ADAMTS12: variants seen among roughly 807,000 people sequenced by gnomAD.
ADAMTS12 encodes ADAM metallopeptidase with thrombospondin type 1 motif 12, also known as A disintegrin and metalloproteinase with thrombospondin motifs 12.
ADAMTS12 carries 118 observed loss-of-function variants against 167.8 expected under a neutral mutation model. The ratio of observed to expected loss-of-function variants is 0.70; its 90% CI spans 0.61 to 0.82. The LOEUF (loss-of-function observed/expected upper bound fraction) is 0.82, where lower values mean the gene tolerates loss of function less well. Ranked by LOEUF, ADAMTS12 falls within the 40% of genes least tolerant of loss-of-function variation. ADAMTS12 has a pLI of 0.00. For synonymous variants in ADAMTS12, 704 were observed against 716.9 expected, an observed-to-expected ratio of 0.98 and a Z score of 0.29; for missense variants, 1,916 against 1,998.8, an observed-to-expected ratio of 0.96 and a Z score of 0.79.
chr5:33,859,078 G>C (rs1749510977), intron 2 of ADAMTS12, among the ~76,000 whole-genome samples: 1 of 151,958 alleles, frequency 6.6e-6, no homozygotes, highest in South Asian at 2.1e-4. Context: ...CGCAAAACTG[G>C]GTGGCGGTTT....
At position 33,523,922 on chromosome 5, in the gene ADAMTS12, C is replaced by T. The variant is rs2111695100; in HGVS notation, c.*3266G>A. The T allele has an allele frequency of 6.6e-6, 1 of 152,320 alleles. No homozygotes were observed. Among genetic ancestry groups the T allele is most frequent in the South Asian group, 2.1e-4 (1 of 4,830 alleles). The allele number at this position is 152,320 out of a possible 1,614,324, so 9.4% of individuals were successfully genotyped here. On this transcript the variant is annotated 3_prime_UTR_variant, in exon 24 of 24. Coordinates refer to ENST00000504830, the MANE Select transcript of ADAMTS12 (RefSeq NM_030955.4). ...CACCAGAAACATCGTCCCAAAGATTCATCTTGAAGTCAGAAAGGAGAAGAG... is the reference window on the plus strand; with the variant it reads ...CACCAGAAACATCGTCCCAAAGATTTATCTTGAAGTCAGAAAGGAGAAGAG...
chr5:33,854,585 A>G (rs1363365251), intron 2 of ADAMTS12, among the ~76,000 whole-genome samples: 2 of 152,268 alleles, frequency 1.3e-5, no homozygotes, highest in East Asian at 3.8e-4. Flanking sequence ...AGCAGAAAGA[A>G]GAAAACAATG....
intron 3 of ADAMTS12, among the ~76,000 whole-genome samples, chr5:33,716,862 C>G (rs549525064): frequency 2.0e-5 from 3 of 152,266 alleles, no homozygotes; most frequent in African/African-American, 7.2e-5. Flanking sequence ...TTCTTCTCCA[C>G]TTTCACTTTT....
intron 6 of ADAMTS12, among the ~76,000 whole-genome samples, chr5:33,660,290 G>A (rs907264619): frequency 2.0e-5 from 3 of 152,112 alleles, no homozygotes; most frequent in African/African-American, 7.2e-5. Context: ...CAAACTACCT[G>A]GACTTAAGTC....
chr5:33,578,065 A>G (rs938569253), intron 18 of ADAMTS12, among the ~76,000 whole-genome samples: 3 of 152,236 alleles, frequency 2.0e-5, no homozygotes, highest in African/African-American at 7.2e-5. Context: ...CCGTACTTTT[A>G]CCAAATGGTT....
intron 2 of ADAMTS12, among the ~76,000 whole-genome samples, chr5:33,861,862 G>A (rs1296104158): frequency 6.6e-6 from 1 of 152,038 alleles, no homozygotes. Flanking sequence ...TTAGAACTCA[G>A]GATTATGAAA....
chr5:33,602,702 G>A (rs867849129), intron 16 of ADAMTS12, among the ~76,000 whole-genome samples: 4 of 152,160 alleles, frequency 2.6e-5, no homozygotes, highest in African/African-American at 4.8e-5. Context: ...TATGAATCTC[G>A]TGCTTTACCA....
At chr5:33,791,814 AT>A (rs1746582098) in intron 2 of ADAMTS12, among the ~76,000 whole-genome samples, 1 of 143,934 alleles carries the variant, frequency 6.9e-6, no homozygotes, top group South Asian at 2.2e-4. Flanking sequence ...GGTATCTGTC[AT>A]TTGATATAAA....
At chr5:33,623,686 C>A (rs541007958) in intron 14 of ADAMTS12, among the ~76,000 whole-genome samples, 1 of 152,344 alleles carries the variant, frequency 6.6e-6, no homozygotes, top group African/African-American at 2.4e-5. Context: ...GGACCCCCTC[C>A]CAGGGAGCAA....
intron 2 of ADAMTS12, among the ~76,000 whole-genome samples, chr5:33,757,572 C>T (rs111254873): frequency 2.6e-5 from 4 of 152,284 alleles, no homozygotes; most frequent in African/African-American, 9.6e-5. Flanking sequence ...TAATACAACC[C>T]TAATATACAC....
chr5:33,795,619 G>A (rs1165356382), intron 2 of ADAMTS12, among the ~76,000 whole-genome samples: 1 of 152,202 alleles, frequency 6.6e-6, no homozygotes, highest in African/African-American at 2.4e-5. Context: ...GGTGGTGAAT[G>A]GACAGACTCC....
intron 2 of ADAMTS12, among the ~76,000 whole-genome samples, chr5:33,769,163 G>A (rs1269742364): frequency 7.9e-5 from 12 of 152,014 alleles, no homozygotes; most frequent in South Asian, 2.1e-4. Context: ...TGGAAAAGCC[G>A]GGAAACTAAC....
chr5:33,614,180 C>T, intron 16 of ADAMTS12, 58 bp downstream of exon 16: 2 of 1,587,328 alleles, frequency 1.3e-6, no homozygotes, highest in East Asian at 2.3e-5. Context: ...GGTGTAATCA[C>T]CTCTACAAAC....
At chr5:33,715,830 G>T (rs539831910) in intron 3 of ADAMTS12, among the ~76,000 whole-genome samples, 1 of 152,246 alleles carries the variant, frequency 6.6e-6, no homozygotes, top group Non-Finnish European at 1.5e-5. Context: ...GCAAAAAGAT[G>T]ACTGTGTAAC....
chr5:33,667,065 A>G (rs1445824324), intron 5 of ADAMTS12, among the ~76,000 whole-genome samples: 1 of 152,212 alleles, frequency 6.6e-6, no homozygotes, highest in African/African-American at 2.4e-5. Flanking sequence ...TTTAGTAATT[A>G]GAATTGATCA....
intron 22 of ADAMTS12, 111 bp downstream of exon 22, chr5:33,545,948 C>G: frequency 3.0e-6 from 4 of 1,337,256 alleles, no homozygotes; most frequent in Non-Finnish European, 4.0e-6. Context: ...CAACGTGGCA[C>G]ATGTATACCT....
intron 2 of ADAMTS12, among the ~76,000 whole-genome samples, chr5:33,850,100 T>C (rs1749166867): frequency 6.6e-6 from 1 of 152,186 alleles, no homozygotes; most frequent in Non-Finnish European, 1.5e-5. Flanking sequence ...TCACTCTCAA[T>C]AGATGATCTG....
At position 33,720,417 on chromosome 5, in the gene ADAMTS12, T is replaced by C. The variant is rs140486738; in HGVS notation, c.634+30987A>G. Reference sequence around the variant, plus strand: ...AGTTCATTTCAAGTTCAACCATAAATAGGTCATGGAAATTCAATTATTTGA... The same window carrying C: ...AGTTCATTTCAAGTTCAACCATAAACAGGTCATGGAAATTCAATTATTTGA... On this transcript the variant is annotated intron_variant, in intron 3 of 23. Coordinates refer to ENST00000504830, the MANE Select transcript of ADAMTS12 (RefSeq NM_030955.4). Among the ~76,000 whole-genome samples the C allele has an allele frequency of 5.8e-4, 88 of 152,196 alleles. No homozygotes were observed. The East Asian group carries it at 0.015, about 25-fold the overall frequency.
intron 5 of ADAMTS12, among the ~76,000 whole-genome samples, chr5:33,672,048 C>G (rs1741719130): frequency 1.3e-5 from 2 of 149,508 alleles, no homozygotes; most frequent in Non-Finnish European, 3.0e-5. Context: ...CACATACTCA[C>G]ATACACACTC....
Sources: allele counts gnomAD v4.1 joint callset (sites outside exome capture counted in the v4.1 genomes callset), GRCh38; gene constraint gnomAD v4.1.1; transcripts MANE v1.5; gene names NCBI Gene and HGNC (gene_info 2026-07-23, HGNC 2026-07-21).